FGF12: variants seen among roughly 807,000 people sequenced by gnomAD.
The protein encoded by FGF12 is fibroblast growth factor 12, also known as fibroblast growth factor 12B.
FGF12 carries 14 observed loss-of-function variants against 23.6 expected under a neutral mutation model. The observed-to-expected ratio is 0.59, with a 90% CI of 0.39 to 0.93. FGF12 has a LOEUF of 0.93. Among genes scored for constraint, FGF12 ranks in the 40% least tolerant of loss-of-function variants. The pLI is 0.00. For synonymous variants in FGF12, 62 were observed against 77.3 expected (o/e 0.80, Z 1.04); for missense variants, 175 against 217.8 (o/e 0.80, Z 1.24).
intron 2 of FGF12, among the ~76,000 whole-genome samples, chr3:192,512,599 A>G (rs1370589714): frequency 6.6e-6 from 1 of 151,630 alleles, no homozygotes; most frequent in Non-Finnish European, 1.5e-5. Flanking sequence ...GTTACACTAG[A>G]TCATAAGTTT....
At chr3:192,475,006 A>G (rs757751480) in intron 2 of FGF12, among the ~76,000 whole-genome samples, 5 of 152,110 alleles carry the variant, frequency 3.3e-5, no homozygotes, top group Non-Finnish European at 7.4e-5. Context: ...TTGAAATCCC[A>G]TATCTACCTC....
At chr3:192,314,907 C>G (rs1316206859) in intron 4 of FGF12, among the ~76,000 whole-genome samples, 1 of 152,102 alleles carries the variant, frequency 6.6e-6, no homozygotes, top group Non-Finnish European at 1.5e-5. Context: ...ATCCAGGATT[C>G]TTTAGAAGGT....
At chr3:192,480,367 A>C (rs930804346) in intron 2 of FGF12, among the ~76,000 whole-genome samples, 1 of 152,076 alleles carries the variant, frequency 6.6e-6, no homozygotes, top group Non-Finnish European at 1.5e-5. Flanking sequence ...AACTTCCTTC[A>C]CTTCTCCTCT....
chr3:192,334,687 T>G lies in FGF12; in HGVS notation c.228+674A>C, dbSNP rs138697775. On this transcript the variant is annotated intron_variant, in intron 4 of 5. Transcript: ENST00000445105. ...CTACCTAATTTTGCCAGTTTGGGAT[T>G]TGAAAGACATGATACAACATTGTGT... is the stretch of plus-strand genomic sequence containing the variant. 1.4e-4 allele frequency among the ~76,000 whole-genome samples: 22 copies of G among 152,208 alleles called. No homozygotes were observed. In the East Asian group the frequency reaches 4.2e-3, roughly 29 times the overall value.
At chr3:192,144,553 A>C (rs1486949355) in intron 5 of FGF12, among the ~76,000 whole-genome samples, 1 of 152,242 alleles carries the variant, frequency 6.6e-6, no homozygotes, top group East Asian at 1.9e-4. Context: ...ATAATGTATC[A>C]AACTGAAATA....
chr3:192,527,353 A>C (rs1215793288), intron 2 of FGF12, among the ~76,000 whole-genome samples: 3 of 152,244 alleles, frequency 2.0e-5, no homozygotes, highest in Non-Finnish European at 4.4e-5. Context: ...AGTTTAGGAT[A>C]AAGATCCTGG....
intron 2 of FGF12, among the ~76,000 whole-genome samples, chr3:192,711,939 TCA>T (rs1491454955): frequency 0.048 from 1,771 of 36,688 alleles, 39 homozygotes; most frequent in African/African-American, 0.18. Context: ...CCAAGAACGA[TCA>T]AAAAAAAAAA....
chr3:192,305,267 G>C (rs1260074541), intron 4 of FGF12, among the ~76,000 whole-genome samples: 1 of 151,954 alleles, frequency 6.6e-6, no homozygotes, highest in Admixed American at 6.6e-5. Context: ...GATGACTGAT[G>C]CTACTACAGG....
chr3:192,671,595 C>T (rs1333456331), intron 2 of FGF12, among the ~76,000 whole-genome samples: 1 of 152,158 alleles, frequency 6.6e-6, no homozygotes, highest in Non-Finnish European at 1.5e-5. Context: ...TCAGTTTTTT[C>T]TTCCACTGTA....
intron 2 of FGF12, among the ~76,000 whole-genome samples, chr3:192,688,002 C>T (rs1257404356): frequency 1.3e-5 from 2 of 151,932 alleles, no homozygotes; most frequent in African/African-American, 2.4e-5. Context: ...TTGGCTGCCA[C>T]ACACATGCCT....
chr3:192,664,813 TTTGA>T (rs1184962048), intron 2 of FGF12, among the ~76,000 whole-genome samples: 1 of 152,032 alleles, frequency 6.6e-6, no homozygotes, highest in Non-Finnish European at 1.5e-5. Flanking sequence ...CCCCAAATAG[TTTGA>T]TTATTTATTG....
chr3:192,694,635 C>T (rs542786998), intron 2 of FGF12, among the ~76,000 whole-genome samples: 15 of 151,280 alleles, frequency 9.9e-5, no homozygotes, highest in South Asian at 2.1e-4. Flanking sequence ...TATACGTATA[C>T]GTACATATAT....
intron 4 of FGF12, among the ~76,000 whole-genome samples, chr3:192,236,100 T>C (rs997850338): frequency 6.6e-6 from 1 of 152,206 alleles, no homozygotes; most frequent in Admixed American, 6.5e-5. Flanking sequence ...ATGTCTGCCT[T>C]AATTGCATTC....
At chr3:192,252,067 G>A (rs1222474261) in intron 4 of FGF12, among the ~76,000 whole-genome samples, 1 of 151,754 alleles carries the variant, frequency 6.6e-6, no homozygotes, top group East Asian at 1.9e-4. Flanking sequence ...ATTTTTTTTT[G>A]TGTGTAAGTC....
chr3:192,158,367 TTTCTTTCTTTCTTTCTTTTC>T (rs1453668438), intron 5 of FGF12, among the ~76,000 whole-genome samples: 1 of 122,430 alleles, frequency 8.2e-6, no homozygotes, highest in Non-Finnish European at 1.7e-5. Flanking sequence ...TCTTTCTTTC[TTTCTTTCTTTCTTTCTTTTC>T]TTTCTCTCTC....
chr3:192,372,683 T>G (rs1180485342), intron 2 of FGF12, among the ~76,000 whole-genome samples: 3 of 152,116 alleles, frequency 2.0e-5, no homozygotes, highest in Non-Finnish European at 4.4e-5. Context: ...ACTAACAGCC[T>G]CCTCACTAAC....
rs10543146 is a variant in FGF12, at chr3:192,161,505, T to TACACACACAC, written c.427+8943_427+8952dup. Among the ~76,000 whole-genome samples, 266 of 149,696 alleles carry TACACACACAC rather than the reference T, an allele frequency of 1.8e-3. 2 individuals carry two copies. In the East Asian group the frequency reaches 0.019, roughly 11 times the overall value. ...ACTTTAAGGAATGACAACGCCTATT[T>TACACACACAC]ACACACACACACACACACACACACA... On this transcript the variant is annotated intron_variant, in intron 5 of 5. Transcript: ENST00000445105.
At chr3:192,652,217 C>A (rs769748380) in intron 2 of FGF12, among the ~76,000 whole-genome samples, 1 of 152,112 alleles carries the variant, frequency 6.6e-6, no homozygotes, top group Non-Finnish European at 1.5e-5. Context: ...CTATGGGAAC[C>A]CATTGAACAA....
intron 4 of FGF12, among the ~76,000 whole-genome samples, chr3:192,322,790 T>G (rs1332756202): frequency 1.3e-5 from 2 of 152,030 alleles, no homozygotes; most frequent in Non-Finnish European, 2.9e-5. Context: ...AAACTGGATA[T>G]CCACATGCAG....
Sources: allele counts gnomAD v4.1 joint callset (sites outside exome capture counted in the v4.1 genomes callset), GRCh38; gene constraint gnomAD v4.1.1; transcripts MANE v1.5; gene names NCBI Gene and HGNC (gene_info 2026-07-23, HGNC 2026-07-21).